FSTL4: variants seen among roughly 807,000 people sequenced by gnomAD.
FSTL4 encodes follistatin like 4, also known as follistatin-related protein 4.
A neutral mutation model predicts 78.2 loss-of-function variants in FSTL4; 28 were observed. The ratio of observed to expected loss-of-function variants is 0.36; its 90% CI spans 0.27 to 0.49. FSTL4 has a LOEUF of 0.49. Among genes scored for constraint, FSTL4 ranks in the 20% least tolerant of loss-of-function variants. The pLI, the probability that FSTL4 is intolerant of heterozygous loss-of-function variation, is 0.98. For synonymous variants in FSTL4, 422 were observed against 440.5 expected, an observed-to-expected ratio of 0.96 and a Z score of 0.53; for missense variants, 922 against 1,084.9, an observed-to-expected ratio of 0.85 and a Z score of 2.11.
At chr5:133,826,920 A>G in the FSTL4 span, among the ~76,000 whole-genome samples, 1 of 152,236 alleles carries the variant, frequency 6.6e-6, no homozygotes, top group Non-Finnish European at 1.5e-5. Context: ...ACCCAGTGTG[A>G]TTCCAATAAC....
chr5:133,787,345 A>G, the FSTL4 span, among the ~76,000 whole-genome samples: 6 of 152,290 alleles, frequency 3.9e-5, no homozygotes, highest in African/African-American at 4.8e-5. Flanking sequence ...ACTGCCTTCA[A>G]CTGGAACCCA....
chr5:133,305,887 G>C (rs1355097609), intron 6 of FSTL4, among the ~76,000 whole-genome samples: 1 of 152,218 alleles, frequency 6.6e-6, no homozygotes, highest in Non-Finnish European at 1.5e-5. Flanking sequence ...CAAGTGTACA[G>C]ATGGGAGATG....
the FSTL4 span, among the ~76,000 whole-genome samples, chr5:133,726,919 T>C: frequency 1.3e-5 from 2 of 152,242 alleles, no homozygotes; most frequent in African/African-American, 2.4e-5. Flanking sequence ...AGCATCTTTT[T>C]CATTTTTTTC....
At chr5:133,377,329 A>G (rs931364007) in intron 4 of FSTL4, among the ~76,000 whole-genome samples, 2 of 152,236 alleles carry the variant, frequency 1.3e-5, no homozygotes, top group South Asian at 2.1e-4. Context: ...TACCATGACA[A>G]CCAGGCTAGA....
intron 3 of FSTL4, among the ~76,000 whole-genome samples, chr5:133,512,892 A>C (rs183428305): frequency 4.9e-4 from 75 of 152,038 alleles, no homozygotes; most frequent in African/African-American, 1.8e-3. Flanking sequence ...ATCTTGGCTC[A>C]CTGCAACCTC....
intron 6 of FSTL4, among the ~76,000 whole-genome samples, chr5:133,298,845 C>T (rs116385593): frequency 1.2e-3 from 174 of 142,182 alleles, no homozygotes; most frequent in African/African-American, 4.0e-3. Flanking sequence ...GATCAGGAAC[C>T]GGGGCTGGAG....
At chr5:133,579,629 G>A (rs1290853800) in intron 2 of FSTL4, among the ~76,000 whole-genome samples, 1 of 152,086 alleles carries the variant, frequency 6.6e-6, no homozygotes, top group Non-Finnish European at 1.5e-5. Context: ...CACCCTCCAG[G>A]AACCATCCAA....
chr5:133,581,109 T>C (rs1760394581), intron 2 of FSTL4, among the ~76,000 whole-genome samples: 1 of 152,242 alleles, frequency 6.6e-6, no homozygotes, highest in Non-Finnish European at 1.5e-5. Flanking sequence ...TGTACCACTA[T>C]AACACTTATA....
intron 3 of FSTL4, among the ~76,000 whole-genome samples, chr5:133,529,412 G>T (rs1005521131): frequency 7.2e-5 from 11 of 152,092 alleles, no homozygotes; most frequent in African/African-American, 2.7e-4. Context: ...AACCAACCCA[G>T]ACACAAACAG....
chr5:133,655,021 C>A, the FSTL4 span, among the ~76,000 whole-genome samples: 439 of 152,336 alleles, frequency 2.9e-3, 2 homozygotes, highest in African/African-American at 0.01. Flanking sequence ...GAATATCCAA[C>A]AGGATACCAA....
At chr5:133,231,976 A>T (rs1440733660) in intron 8 of FSTL4, among the ~76,000 whole-genome samples, 22 of 152,258 alleles carry the variant, frequency 1.4e-4, no homozygotes, top group African/African-American at 5.1e-4. Flanking sequence ...CACAGTCACG[A>T]AAGTAGCATG....
chr5:133,205,787 CAA>C, intron 14 of FSTL4, among the ~76,000 whole-genome samples: 1 of 81,206 alleles, frequency 1.2e-5, no homozygotes, highest in Non-Finnish European at 2.6e-5. Context: ...TGTTTGTAAT[CAA>C]TCACTGAGCC....
At chr5:133,581,927 C>G (rs553621858) in intron 2 of FSTL4, among the ~76,000 whole-genome samples, 1 of 152,248 alleles carries the variant, frequency 6.6e-6, no homozygotes, top group Non-Finnish European at 1.5e-5. Context: ...TCAGACAAAC[C>G]TCTGCAGGTG....
chr5:133,394,823 T>A (rs571979773), intron 4 of FSTL4, among the ~76,000 whole-genome samples: 1 of 152,256 alleles, frequency 6.6e-6, no homozygotes, highest in Non-Finnish European at 1.5e-5. Context: ...CTGAGTCTAG[T>A]AGGGACTTGG....
intron 3 of FSTL4, among the ~76,000 whole-genome samples, chr5:133,444,645 A>C (rs1010003953): frequency 6.6e-6 from 1 of 152,200 alleles, no homozygotes; most frequent in African/African-American, 2.4e-5. Flanking sequence ...CTCTGAGCCC[A>C]GCTATAGCCT....
intron 3 of FSTL4, among the ~76,000 whole-genome samples, chr5:133,505,348 C>T (rs1758592162): frequency 6.6e-6 from 1 of 152,182 alleles, no homozygotes; most frequent in Non-Finnish European, 1.5e-5. Flanking sequence ...AGGTTCCTGT[C>T]CTTCTCCATT....
intron 4 of FSTL4, among the ~76,000 whole-genome samples, chr5:133,398,509 C>A (rs898818872): frequency 6.6e-6 from 1 of 152,202 alleles, no homozygotes; most frequent in Non-Finnish European, 1.5e-5. Context: ...CAGACAGAAC[C>A]CTTGCTCCTG....
At chr5:133,206,489 G>A (rs767085867) in intron 14 of FSTL4, among the ~76,000 whole-genome samples, 3 of 152,140 alleles carry the variant, frequency 2.0e-5, no homozygotes, top group Non-Finnish European at 4.4e-5. Context: ...AGCCTCCTGA[G>A]TCGCTGGGAT....
At chr5:133,743,380 G>C in the FSTL4 span, among the ~76,000 whole-genome samples, 1 of 152,224 alleles carries the variant, frequency 6.6e-6, no homozygotes, top group South Asian at 2.1e-4. Context: ...GTATAACATA[G>C]TGGTTCTGGT....
Sources: gnomAD v4.1 joint callset for allele counts (sites outside exome capture counted in the v4.1 genomes callset) on GRCh38, gnomAD v4.1.1 for gene constraint, MANE v1.5 for transcripts, NCBI Gene and HGNC (gene_info 2026-07-23, HGNC 2026-07-21) for gene names.